JAKMIP3: variants seen among roughly 807,000 people sequenced by gnomAD.
JAKMIP3 encodes Janus kinase and microtubule interacting protein 3.
In JAKMIP3, 58 loss-of-function variants were observed where a neutral mutation model predicts 118.5. The observed-to-expected ratio is 0.49, with a 90% CI of 0.40 to 0.61. The LOEUF is 0.61. Ranked by LOEUF, JAKMIP3 falls within the 20% of genes least tolerant of loss-of-function variation. The pLI, the probability that JAKMIP3 is intolerant of heterozygous loss-of-function variation, is 0.00. For synonymous variants in JAKMIP3, 486 were observed against 451.2 expected, an observed-to-expected ratio of 1.08 and a Z score of -0.98; for missense variants, 950 against 1,109.0, an observed-to-expected ratio of 0.86 and a Z score of 2.04.
rs113627466 is a variant in JAKMIP3 at position 132,150,182 on chromosome 10, C to T, written c.2007+141C>T. 1,358 of 644,852 alleles carry T rather than the reference C, an allele frequency of 2.1e-3. 14 individuals are homozygous for T. The African/African-American group carries it at 0.023, about 11-fold the overall frequency. The allele number at this position is 644,852 out of a possible 1,614,324, so 39.9% of individuals were successfully genotyped here. A position where few individuals can be genotyped will look rare whatever the true frequency, so the allele number is the denominator to read the frequency against. On this transcript the variant is annotated intron_variant, in intron 16 of 23. Transcript: ENST00000684848. ...CTGAGACCCTCCACTAGGCCCAGAG[C>T]CTGCTCAGAATCGGAGCCTTCCTCA...
chr10:132,116,381 GCAT>G (rs1192371987), intron 2 of JAKMIP3, among the ~76,000 whole-genome samples: 1 of 150,138 alleles, frequency 6.7e-6, no homozygotes, highest in East Asian at 2.0e-4. Flanking sequence ...GTGAGTGTGT[GCAT>G]CATGGACACT....
At chr10:132,081,496 G>A (rs2041755375) in intron 1 of JAKMIP3, among the ~76,000 whole-genome samples, 1 of 152,174 alleles carries the variant, frequency 6.6e-6, no homozygotes, top group South Asian at 2.1e-4. Flanking sequence ...ACCAGCGACT[G>A]CTCACATGCT....
chr10:132,041,860 C>T (rs1379939464), intron 1 of JAKMIP3, among the ~76,000 whole-genome samples: 1 of 151,296 alleles, frequency 6.6e-6, no homozygotes, highest in Non-Finnish European at 1.5e-5. Context: ...TTTCTTTTTT[C>T]TTTCTTTTCT....
chr10:132,127,841 TC>T (rs2049920028), intron 3 of JAKMIP3, among the ~76,000 whole-genome samples: 1 of 152,212 alleles, frequency 6.6e-6, no homozygotes, highest in Non-Finnish European at 1.5e-5. Context: ...TTAACTACAT[TC>T]TATCATAAAT....
At chr10:132,180,682 CGT>C (rs1252104198) in intron 23 of JAKMIP3, among the ~76,000 whole-genome samples, 88 of 5,500 alleles carry the variant, frequency 0.016, 27 homozygotes, top group Middle Eastern at 0.12. Flanking sequence ...TGTGCGCGCG[CGT>C]GTGTGTGCGT....
At position 132,163,259 on chromosome 10, in the gene JAKMIP3, C is replaced by A. The variant is rs749726105; in HGVS notation, c.2271C>A (p.Ala757=). ...TGTATGATGCCCTGCAGCAGGAGGC[C>A]GGGGCTAAGGTGGCTGAGCTGCTGT... ...AMLYDALQQE[A]GAKVAELLSE... The change falls in exon 20 of 24, where the codon GCC becomes GCA. Residue 757 remains alanine (A), a synonymous_variant. Transcript: ENST00000684848. 9 of 1,585,526 alleles carry A rather than the reference C, an allele frequency of 5.7e-6. No homozygotes were observed. In the African/African-American group the frequency reaches 1.2e-4, roughly 21 times the overall value.
chr10:132,059,565 C>T (rs532317925), intron 1 of JAKMIP3, among the ~76,000 whole-genome samples: 38 of 152,342 alleles, frequency 2.5e-4, no homozygotes, highest in Admixed American at 2.2e-3. Context: ...GGGCCTCCAC[C>T]GTCTTGATGT....
At chr10:132,036,868 G>A (rs1351221726) in intron 1 of JAKMIP3, among the ~76,000 whole-genome samples, 1 of 151,972 alleles carries the variant, frequency 6.6e-6, no homozygotes, top group Admixed American at 6.5e-5. Flanking sequence ...GAGGGAGGGG[G>A]TCCCGCGGCA....
intron 3 of JAKMIP3, among the ~76,000 whole-genome samples, chr10:132,131,816 G>C (rs1480143913): frequency 1.3e-5 from 2 of 152,130 alleles, no homozygotes; most frequent in Non-Finnish European, 2.9e-5. Flanking sequence ...TGTGGGTGCA[G>C]GTGGGACAGG....
chr10:132,160,008 C>T (rs549112928), intron 19 of JAKMIP3, among the ~76,000 whole-genome samples: 10 of 35,064 alleles, frequency 2.9e-4, no homozygotes, highest in Non-Finnish European at 4.3e-4. Context: ...CTGGGGGGGG[C>T]CTCTCCCTGT....
At chr10:132,134,655 G>C (rs1272507812) in intron 4 of JAKMIP3, among the ~76,000 whole-genome samples, 2 of 152,234 alleles carry the variant, frequency 1.3e-5, no homozygotes, top group African/African-American at 2.4e-5. Context: ...GCAGGGGCCA[G>C]GCAGAGGGCT....
chr10:132,110,942 C>T (rs536134689), intron 2 of JAKMIP3, among the ~76,000 whole-genome samples: 17 of 152,342 alleles, frequency 1.1e-4, no homozygotes, highest in Admixed American at 8.5e-4. Context: ...GTCGTGGACA[C>T]GAAGGCTCCA....
intron 1 of JAKMIP3, among the ~76,000 whole-genome samples, chr10:132,091,417 G>T (rs1471895485): frequency 6.6e-6 from 1 of 152,186 alleles, no homozygotes; most frequent in African/African-American, 2.4e-5. Context: ...AAGTCTCTTT[G>T]TAGGTCTCTA....
rs917418892 is a variant in JAKMIP3, at chr10:132,183,708, C to T, written c.*2455C>T. On this transcript the variant is annotated 3_prime_UTR_variant, in exon 24 of 24. Coordinates refer to ENST00000684848, the MANE Select transcript of JAKMIP3 (RefSeq NM_001323087.2). ...ATCTAGTTGGAGCGTCAGTTCCTCTCCTTAGATATCATTGTTTTCACTCGT... is the reference window on the plus strand; with the variant it reads ...ATCTAGTTGGAGCGTCAGTTCCTCTTCTTAGATATCATTGTTTTCACTCGT... 2.0e-5 allele frequency: 3 copies of T among 152,284 alleles called. No homozygotes were observed. Among genetic ancestry groups the T allele is most frequent in the South Asian group, 2.1e-4 (1 of 4,828 alleles). 9.4% of individuals were successfully genotyped at this position (152,284 alleles called of 1,614,324 possible).
At chr10:132,099,773 G>A (rs10870248) in intron 1 of JAKMIP3, among the ~76,000 whole-genome samples, 8,147 of 152,268 alleles carry the variant, frequency 0.054, 470 homozygotes, top group East Asian at 0.16. Context: ...CCTGGGCACC[G>A]CCTGCCCTGT....
Position 132,180,656 on chromosome 10 carries a change from TGCGTGTGTGCGTGTGTGTGCGCGC to T in JAKMIP3, c.*1104-1691_*1104-1668del, listed in dbSNP as rs1448277039. ...GTGCGTGCGTGTGTGCGTGTGCGTG[TGCGTGTGTGCGTGTGTGTGCGCGC>T]GCGTGTGTGTGCGTGCGTGTGTGTG... On this transcript the variant is annotated intron_variant, in intron 23 of 23. Coordinates refer to ENST00000684848, the MANE Select transcript of JAKMIP3 (RefSeq NM_001323087.2). 1.2e-4 allele frequency among the ~76,000 whole-genome samples: 2 copies of T among 16,338 alleles called. 1 individual carries two copies. Among genetic ancestry groups the T allele is most frequent in the Admixed American group, 1.5e-3 (2 of 1,354 alleles). The allele number at this position is 16,338 out of a possible 152,430, so 10.7% of individuals were successfully genotyped here.
intron 2 of JAKMIP3, among the ~76,000 whole-genome samples, chr10:132,107,778 A>C (rs2046142374): frequency 6.6e-6 from 1 of 152,142 alleles, no homozygotes. Flanking sequence ...GGGCCTGTCG[A>C]CGGCATCCAG....
At chr10:132,174,553 G>C (rs2059976255) in intron 23 of JAKMIP3, among the ~76,000 whole-genome samples, 1 of 152,148 alleles carries the variant, frequency 6.6e-6, no homozygotes, top group African/African-American at 2.4e-5. Context: ...CCGGTTTGGG[G>C]CAAATGTGAA....
chr10:132,177,740 C>T (rs2060298524), intron 23 of JAKMIP3, among the ~76,000 whole-genome samples: 1 of 145,338 alleles, frequency 6.9e-6, no homozygotes, highest in African/African-American at 2.6e-5. Flanking sequence ...TGTGTGTGCA[C>T]ACTGCATTTG....
Sources: gnomAD v4.1 joint callset for allele counts (sites outside exome capture counted in the v4.1 genomes callset) on GRCh38, gnomAD v4.1.1 for gene constraint, MANE v1.5 for transcripts, NCBI Gene and HGNC (gene_info 2026-07-23, HGNC 2026-07-21) for gene names.